MYO1D: variants seen among roughly 807,000 people sequenced by gnomAD.
MYO1D encodes the protein unconventional myosin-Id.
MYO1D carries 83 observed loss-of-function variants against 122.0 expected under a neutral mutation model. That is an observed-to-expected ratio of 0.68 (90% confidence interval 0.57 to 0.82). MYO1D has a LOEUF of 0.82. MYO1D is among the 40% of genes least tolerant of loss of function. MYO1D has a pLI of 0.00. For missense variants in MYO1D, 1,157 were observed against 1,269.5 expected (o/e 0.91, Z 1.35); for synonymous variants, 464 against 446.9 (o/e 1.04, Z -0.48).
chr17:32,497,586 GC>G, intron 21 of MYO1D: 1 of 152,364 alleles, frequency 6.6e-6, no homozygotes, highest in Admixed American at 6.5e-5. Flanking sequence ...TTTTCCTCCT[GC>G]CCTCTGTTGT....
intron 1 of MYO1D, among the ~76,000 whole-genome samples, chr17:32,840,617 T>C (rs2090871249): frequency 6.6e-6 from 1 of 152,250 alleles, no homozygotes; most frequent in African/African-American, 2.4e-5. Context: ...CTCGTCTTTC[T>C]TTCCCCTCAT....
chr17:32,640,362 A>G (rs1233041999), intron 19 of MYO1D, among the ~76,000 whole-genome samples: 15 of 151,564 alleles, frequency 9.9e-5, no homozygotes, highest in African/African-American at 2.4e-5. Flanking sequence ...TTTAGGGTAC[A>G]TGTGCACAAT....
At chr17:32,670,532 C>T (rs2088702194) in intron 16 of MYO1D, among the ~76,000 whole-genome samples, 1 of 152,130 alleles carries the variant, frequency 6.6e-6, no homozygotes, top group Admixed American at 6.5e-5. Flanking sequence ...TGCGACCTTA[C>T]CTTCAAGCCA....
intron 1 of MYO1D, among the ~76,000 whole-genome samples, chr17:32,813,563 A>C (rs1214333027): frequency 6.6e-6 from 1 of 152,206 alleles, no homozygotes; most frequent in Non-Finnish European, 1.5e-5. Flanking sequence ...GAGAGGCTTC[A>C]GAAAGAAAAA....
rs188251178 is a variant in MYO1D, at chr17:32,843,993, A to G, written c.95+32785T>C. Among the ~76,000 whole-genome samples the G allele has an allele frequency of 1.6e-3, 245 of 151,576 alleles. 1 individual carries two copies. Among genetic ancestry groups the G allele is most frequent in the African/African-American group, 5.7e-3 (234 of 41,414 alleles). On this transcript the variant is annotated intron_variant, in intron 1 of 21. Coordinates refer to ENST00000318217, the MANE Select transcript of MYO1D (RefSeq NM_015194.3). The stretch of plus-strand genomic sequence containing the variant: ...AAGAAAAAAGATAAATATATTTTAT[A>G]TATACACATATACACACACACACAT...
chr17:32,634,778 G>A (rs976893896), intron 20 of MYO1D, among the ~76,000 whole-genome samples: 1 of 152,114 alleles, frequency 6.6e-6, no homozygotes, highest in Non-Finnish European at 1.5e-5. Context: ...GGAGTAGCTG[G>A]GAAGAATCCA....
intron 1 of MYO1D, among the ~76,000 whole-genome samples, chr17:32,862,398 T>C (rs953117927): frequency 2.6e-4 from 39 of 152,234 alleles, no homozygotes; most frequent in African/African-American, 8.2e-4. Flanking sequence ...GCCACCATAC[T>C]TTCAAAGGCA....
Position 32,780,757 on chromosome 17 carries a change from G to C in MYO1D, c.123C>G (p.Phe41Leu). 2 of 1,614,138 alleles carry C rather than the reference G, an allele frequency of 1.2e-6. No individual in the cohort carries two copies. The highest frequency in any genetic ancestry group is 1.7e-6 in the Non-Finnish European group (2 of 1,180,020). The change falls in exon 2 of 22, where the codon TTC (phenylalanine) becomes TTG (leucine). Residue 41 changes from phenylalanine to leucine, a missense_variant. Physicochemically the swap from Phe to Leu is conservative, Grantham distance 22. Transcript: ENST00000318217. ...TCACAGAAACGACGACTTCTCCAAT[G>C]AACGTATAGATGCGCCCTTTTTCAA... Reference protein sequence around the residue: ...LRFEKGRIYTFIGEVVVSVNP... With the variant: ...LRFEKGRIYTLIGEVVVSVNP...
intron 14 of MYO1D, among the ~76,000 whole-genome samples, chr17:32,726,581 A>G (rs1186387080): frequency 1.3e-5 from 2 of 150,120 alleles, no homozygotes; most frequent in African/African-American, 4.9e-5. Context: ...GATATATATT[A>G]TATCTATATC....
intron 15 of MYO1D, among the ~76,000 whole-genome samples, chr17:32,714,965 G>GAA (rs551752626): frequency 6.8e-6 from 1 of 147,274 alleles, no homozygotes; most frequent in African/African-American, 2.5e-5. Context: ...AAATGTACAA[G>GAA]AAAAAAAAAA....
intron 21 of MYO1D, among the ~76,000 whole-genome samples, chr17:32,513,833 C>CTT (rs543363715): frequency 7.0e-6 from 1 of 142,532 alleles, no homozygotes; most frequent in Admixed American, 7.0e-5. Flanking sequence ...TTCTTTCTTT[C>CTT]TTTTTTTTTT....
At chr17:32,636,193 C>A (rs2088096643) in intron 20 of MYO1D, among the ~76,000 whole-genome samples, 1 of 152,148 alleles carries the variant, frequency 6.6e-6, no homozygotes, top group Middle Eastern at 3.2e-3. Context: ...CTTTCCCACT[C>A]TATACCATCA....
chr17:32,858,401 G>C (rs918834725), intron 1 of MYO1D, among the ~76,000 whole-genome samples: 5 of 152,174 alleles, frequency 3.3e-5, no homozygotes, highest in African/African-American at 1.2e-4. Flanking sequence ...TTCACCTTTA[G>C]TTGTTATGTC....
intron 20 of MYO1D, among the ~76,000 whole-genome samples, chr17:32,609,565 A>G (rs1221653150): frequency 6.6e-6 from 1 of 152,240 alleles, no homozygotes; most frequent in Non-Finnish European, 1.5e-5. Flanking sequence ...GAAGGAGTTC[A>G]GCCCGTCTGC....
At chr17:32,715,073 A>G (rs932504765) in intron 15 of MYO1D, among the ~76,000 whole-genome samples, 1 of 152,206 alleles carries the variant, frequency 6.6e-6, no homozygotes, top group Non-Finnish European at 1.5e-5. Flanking sequence ...GCTCAACATC[A>G]CTGATCATTA....
chr17:32,649,005 G>A (rs2088342993), intron 19 of MYO1D, among the ~76,000 whole-genome samples: 1 of 151,970 alleles, frequency 6.6e-6, no homozygotes, highest in Non-Finnish European at 1.5e-5. Context: ...ACATATCACA[G>A]TCTACTGACA....
chr17:32,774,479 A>G (rs2090154687), intron 4 of MYO1D, among the ~76,000 whole-genome samples: 1 of 152,158 alleles, frequency 6.6e-6, no homozygotes, highest in Non-Finnish European at 1.5e-5. Flanking sequence ...TTAGGGAGGA[A>G]TATTCTCAAC....
chr17:32,706,735 T>C (rs1031288647), intron 16 of MYO1D, among the ~76,000 whole-genome samples: 1 of 152,132 alleles, frequency 6.6e-6, no homozygotes, highest in Non-Finnish European at 1.5e-5. Flanking sequence ...CTCACTCTGT[T>C]GCCCAGGCTG....
At chr17:32,716,437 C>T (rs2089447132) in intron 15 of MYO1D, among the ~76,000 whole-genome samples, 1 of 152,134 alleles carries the variant, frequency 6.6e-6, no homozygotes, top group Non-Finnish European at 1.5e-5. Flanking sequence ...GTTTTGTTCC[C>T]CACTATATAC....
Sources: gnomAD v4.1 joint callset for allele counts (sites outside exome capture counted in the v4.1 genomes callset) on GRCh38, gnomAD v4.1.1 for gene constraint, MANE v1.5 for transcripts, NCBI Gene and HGNC (gene_info 2026-07-23, HGNC 2026-07-21) for gene names.